Variants in GLMN observed in about 807,000 individuals in gnomAD.
The protein encoded by GLMN is glomulin.
A neutral mutation model predicts 87.8 loss-of-function variants in GLMN; 75 were observed. That is an observed-to-expected ratio of 0.85 (90% confidence interval 0.71 to 1.04). The LOEUF (loss-of-function observed/expected upper bound fraction) is 1.04. Ranked by LOEUF, GLMN falls within the 50% of genes least tolerant of loss-of-function variation. GLMN has a pLI of 0.00. For synonymous variants in GLMN, 206 were observed against 221.6 expected, an observed-to-expected ratio of 0.93 and a Z score of 0.63; for missense variants, 588 against 658.8, an observed-to-expected ratio of 0.89 and a Z score of 1.18.
chr1:92,301,135 A>C (rs1172728309), upstream of GLMN, among the ~76,000 whole-genome samples: 2 of 152,230 alleles, frequency 1.3e-5, no homozygotes, highest in East Asian at 3.9e-4. Context: ...GTGCAGTGCA[A>C]AAAGTAGCTT....
chr1:92,247,176 T>G, intron 17 of GLMN, 32 bp from the exon 18 acceptor site: 1 of 1,000,804 alleles, frequency 1.0e-6, no homozygotes, highest in Non-Finnish European at 1.6e-6. Flanking sequence ...GTGTGACACT[T>G]AACTCTCAGA....
chr1:92,346,011 G>T, the GLMN span: 1 of 814,704 alleles, frequency 1.2e-6, no homozygotes. Context: ...AACTGCCTTG[G>T]AAAATATCAT....
chr1:92,266,886 G>T, intron 11 of GLMN, 145 bp from the exon 12 acceptor site: 1 of 619,566 alleles, frequency 1.6e-6, no homozygotes, highest in Non-Finnish European at 2.9e-6. Context: ...TTTTCCCTAA[G>T]CCTTCCATTC....
chr1:92,323,819 C>CT, the GLMN span: 1 of 1,614,024 alleles, frequency 6.2e-7, no homozygotes, highest in East Asian at 2.2e-5. Flanking sequence ...ACTCAGAGTT[C>CT]TTCAAATAGC....
intron 16 of GLMN, among the ~76,000 whole-genome samples, chr1:92,257,457 G>A (rs944702476): frequency 2.0e-4 from 31 of 152,114 alleles, no homozygotes; most frequent in Middle Eastern, 3.2e-3. Flanking sequence ...TAAGCAAAAA[G>A]AACAAAGCTG....
intron 7 of GLMN, among the ~76,000 whole-genome samples, chr1:92,280,030 C>T (rs779202221): frequency 5.3e-4 from 81 of 152,242 alleles, no homozygotes; most frequent in Admixed American, 1.4e-3. Context: ...CCTCTGGGGA[C>T]GGCACAGTAG....
the GLMN span, among the ~76,000 whole-genome samples, chr1:92,367,477 A>G: frequency 6.6e-6 from 1 of 152,246 alleles, no homozygotes; most frequent in African/African-American, 2.4e-5. Flanking sequence ...GACAGAAATA[A>G]TCTTCCTACC....
intron 7 of GLMN, among the ~76,000 whole-genome samples, chr1:92,280,387 G>A (rs1647881684): frequency 6.6e-6 from 1 of 152,132 alleles, no homozygotes; most frequent in South Asian, 2.1e-4. Context: ...TCTGTTAGAA[G>A]GAAAACTAAC....
At chr1:92,343,033 T>G in the GLMN span, among the ~76,000 whole-genome samples, 1 of 152,312 alleles carries the variant, frequency 6.6e-6, no homozygotes, top group East Asian at 1.9e-4. Flanking sequence ...ATATAGTTTC[T>G]AATATTTAAA....
At chr1:92,354,918 A>G in the GLMN span, among the ~76,000 whole-genome samples, 2 of 149,698 alleles carry the variant, frequency 1.3e-5, no homozygotes, top group East Asian at 3.9e-4. Flanking sequence ...TATTATTATT[A>G]TTGAGACAGG....
At chr1:92,306,482 G>A in the GLMN span, among the ~76,000 whole-genome samples, 1 of 152,188 alleles carries the variant, frequency 6.6e-6, no homozygotes, top group Non-Finnish European at 1.5e-5. Context: ...AAATGGTAAA[G>A]TGTAATACTC....
intron 16 of GLMN, among the ~76,000 whole-genome samples, chr1:92,262,428 G>A (rs988711485): frequency 7.2e-5 from 11 of 152,166 alleles, no homozygotes; most frequent in African/African-American, 2.4e-4. Flanking sequence ...ATATCTAAAA[G>A]GTGCTGTTAA....
At chr1:92,345,938 C>T in the GLMN span, 1 of 1,470,720 alleles carries the variant, frequency 6.8e-7, no homozygotes, top group East Asian at 2.3e-5. Flanking sequence ...CAGATTTTAA[C>T]TCTAAATACT....
chr1:92,258,067 GA>G lies in GLMN; in HGVS notation c.1473+4795del, dbSNP rs529396798. Among the ~76,000 whole-genome samples the G allele has an allele frequency of 8.2e-3, 1,230 of 149,924 alleles. 15 individuals carry two copies. Among genetic ancestry groups the G allele is most frequent in the African/African-American group, 0.027 (1,115 of 40,932 alleles). Reference sequence around the variant, plus strand: ...ACAAGGAACTTAAACAAATTTATAAGAAAAAAAAACCCATCAAAAAGTGGGC... The same window carrying G: ...ACAAGGAACTTAAACAAATTTATAAGAAAAAAAACCCATCAAAAAGTGGGC... On this transcript the variant is annotated intron_variant, in intron 16 of 18. Transcript: ENST00000370360.
chr1:92,347,854 G>A, the GLMN span, among the ~76,000 whole-genome samples: 19 of 152,126 alleles, frequency 1.2e-4, no homozygotes, highest in African/African-American at 4.6e-4. Context: ...TGAATTCACG[G>A]AACAAATTGC....
At chr1:92,362,719 T>C in the GLMN span, among the ~76,000 whole-genome samples, 1 of 152,208 alleles carries the variant, frequency 6.6e-6, no homozygotes, top group Non-Finnish European at 1.5e-5. Context: ...ATTTTATTTA[T>C]ATACTAATTT....
At chr1:92,280,272 T>C (rs1647861816) in intron 7 of GLMN, among the ~76,000 whole-genome samples, 1 of 152,156 alleles carries the variant, frequency 6.6e-6, no homozygotes, top group South Asian at 2.1e-4. Context: ...AGAGGAAGGA[T>C]CAGGCAGCAA....
At chr1:92,355,280 CCTAA>C in the GLMN span, among the ~76,000 whole-genome samples, 11 of 151,960 alleles carry the variant, frequency 7.2e-5, no homozygotes, top group African/African-American at 1.5e-4. Flanking sequence ...TATTTTTGTT[CCTAA>C]CTATCAGTGT....
At chr1:92,268,944 G>A (rs1212562946) in intron 9 of GLMN, among the ~76,000 whole-genome samples, 18 of 149,854 alleles carry the variant, frequency 1.2e-4, no homozygotes, top group African/African-American at 4.2e-4. Flanking sequence ...TTTGCGACAG[G>A]GTCTTACTCT....
Sources: allele counts gnomAD v4.1 joint callset (sites outside exome capture counted in the v4.1 genomes callset), GRCh38; gene constraint gnomAD v4.1.1; transcripts MANE v1.5; gene names NCBI Gene and HGNC (gene_info 2026-07-23, HGNC 2026-07-21).